Variants in SYNE3 observed in about 807,000 individuals in gnomAD.
SYNE3 encodes nesprin-3.
A neutral mutation model predicts 111.2 loss-of-function variants in SYNE3; 100 were observed. The observed-to-expected ratio is 0.90, with a 90% CI of 0.77 to 1.06. The LOEUF (loss-of-function observed/expected upper bound fraction) is 1.06. Ranked by LOEUF, SYNE3 falls within the 50% of genes least tolerant of loss-of-function variation. The pLI, the probability that SYNE3 is intolerant of heterozygous loss-of-function variation, is 0.00. For synonymous variants in SYNE3, 547 were observed against 533.9 expected, an observed-to-expected ratio of 1.02 and a Z score of -0.34; for missense variants, 1,160 against 1,240.3, an observed-to-expected ratio of 0.94 and a Z score of 0.97.
At chr14:95,491,350 C>T (rs1368076689) in intron 1 of SYNE3, among the ~76,000 whole-genome samples, 1 of 152,122 alleles carries the variant, frequency 6.6e-6, no homozygotes, top group East Asian at 1.9e-4. Flanking sequence ...ATGGCCAAGA[C>T]CTATCTTGTG....
intron 17 of SYNE3, among the ~76,000 whole-genome samples, chr14:95,431,792 G>A (rs1460552996): frequency 2.0e-5 from 3 of 152,194 alleles, no homozygotes; most frequent in South Asian, 2.1e-4. Context: ...ACTCCCCAGC[G>A]TGTCCTGATT....
intron 14 of SYNE3, chr14:95,438,060 C>A (rs56044811): frequency 0.079 from 12,059 of 152,138 alleles, 555 homozygotes; most frequent in South Asian, 0.13. Context: ...TGCATTTTAT[C>A]TTATTTCATT....
At chr14:95,427,593 C>G (rs1885510706) in intron 17 of SYNE3, among the ~76,000 whole-genome samples, 1 of 152,234 alleles carries the variant, frequency 6.6e-6, no homozygotes, top group African/African-American at 2.4e-5. Context: ...CTCTCCCTCT[C>G]TCTCTCTGCC....
At chr14:95,466,347 G>C in intron 3 of SYNE3, 107 bp from the exon 4 acceptor site, 1 of 1,344,778 alleles carries the variant, frequency 7.4e-7, no homozygotes, top group Non-Finnish European at 9.9e-7. Context: ...TGTGGTCTGG[G>C]GGCATGATGA....
chr14:95,437,149 A>G (rs1447484504), intron 14 of SYNE3, among the ~76,000 whole-genome samples, 168 bp from the exon 15 acceptor site: 1 of 152,200 alleles, frequency 6.6e-6, no homozygotes, highest in Non-Finnish European at 1.5e-5. Context: ...ACATGGTCAC[A>G]TTTAAGGGCC....
intron 1 of SYNE3, among the ~76,000 whole-genome samples, chr14:95,479,102 T>C (rs926408213): frequency 1.3e-5 from 2 of 151,896 alleles, no homozygotes; most frequent in African/African-American, 4.8e-5. Flanking sequence ...ATTTAATTAA[T>C]TTAAAAACCC....
chr14:95,477,942 C>T (rs191173724), intron 1 of SYNE3, among the ~76,000 whole-genome samples: 4 of 152,266 alleles, frequency 2.6e-5, no homozygotes, highest in South Asian at 2.1e-4. Flanking sequence ...GGGACAGAGA[C>T]GAGTCCTGCT....
chr14:95,457,065 A>G, intron 5 of SYNE3, 112 bp downstream of exon 5: 1 of 1,406,236 alleles, frequency 7.1e-7, no homozygotes, highest in Non-Finnish European at 9.5e-7. Flanking sequence ...AGCCTGAGCA[A>G]CAGAGCAAGA....
At chr14:95,477,684 G>A (rs1378786555) in intron 1 of SYNE3, among the ~76,000 whole-genome samples, 2 of 152,164 alleles carry the variant, frequency 1.3e-5, no homozygotes, top group Non-Finnish European at 2.9e-5. Flanking sequence ...GTAGCGGGCT[G>A]TGCTCTGGAA....
chr14:95,440,436 C>A lies in SYNE3; in HGVS notation c.1912-361G>T, dbSNP rs549280252. 4.5e-4 allele frequency among the ~76,000 whole-genome samples: 69 copies of A among 152,344 alleles called. 1 individual carries two copies. In the South Asian group the frequency reaches 0.013, roughly 29 times the overall value. ...AACGTGGCTGTAGCTGATGGCCCAG[C>A]CATTCCACTCCCGGTGTATGTCCCA... On this transcript the variant is annotated intron_variant, in intron 11 of 17. Transcript: ENST00000682763.
intron 1 of SYNE3, among the ~76,000 whole-genome samples, chr14:95,513,737 T>TATATATATATATA (rs1480614847): frequency 3.2e-5 from 3 of 92,506 alleles, no homozygotes; most frequent in African/African-American, 1.4e-4. Flanking sequence ...GCTGCTTAGA[T>TATATATATATATA]TATATATATA....
intron 11 of SYNE3, among the ~76,000 whole-genome samples, chr14:95,442,926 G>C (rs987363960): frequency 6.6e-6 from 1 of 152,214 alleles, no homozygotes; most frequent in Non-Finnish European, 1.5e-5. Context: ...GGCCTGGGCT[G>C]TCATGCTCTG....
Position 95,412,635 on chromosome 14 carries a change from C to G in SYNE3, c.*5191G>C, listed in dbSNP as rs1234895012. 1.3e-5 allele frequency: 2 copies of G among 152,240 alleles called. No individual in the cohort carries two copies. The highest frequency in any genetic ancestry group is 4.8e-5 in the African/African-American group (2 of 41,434). 9.4% of individuals were successfully genotyped at this position (152,240 alleles called of 1,614,324 possible). On this transcript the variant is annotated 3_prime_UTR_variant, in exon 18 of 18. Transcript: ENST00000682763. ...TTTTAGAGGCCACAGCTGGCAGGCTCCTGGCCTCCCCTGAACCCAGTTGCC... is the reference window on the plus strand; with the variant it reads ...TTTTAGAGGCCACAGCTGGCAGGCTGCTGGCCTCCCCTGAACCCAGTTGCC...
chr14:95,514,717 T>C (rs1890850843), intron 1 of SYNE3, among the ~76,000 whole-genome samples: 1 of 152,216 alleles, frequency 6.6e-6, no homozygotes, highest in Non-Finnish European at 1.5e-5. Context: ...AGGACTGGAC[T>C]CAGGCAATCC....
intron 1 of SYNE3, among the ~76,000 whole-genome samples, chr14:95,510,497 A>G (rs1841547875): frequency 6.6e-6 from 1 of 152,220 alleles, no homozygotes; most frequent in African/African-American, 2.4e-5. Flanking sequence ...AAGATGGCCA[A>G]GAATCAAAAT....
intron 7 of SYNE3, chr14:95,451,336 G>A (rs977945510): frequency 1.3e-5 from 2 of 152,212 alleles, no homozygotes; most frequent in South Asian, 2.1e-4. Context: ...GTAAGATACC[G>A]TCATTCTAGG....
rs975384658 is a variant in SYNE3 at position 95,450,006 on chromosome 14, C to T, written c.1374G>A (p.Leu458=). 2 of 1,555,980 alleles carry T rather than the reference C, an allele frequency of 1.3e-6. No individual in the cohort carries two copies. Among genetic ancestry groups the T allele is most frequent in the Non-Finnish European group, 1.7e-6 (2 of 1,149,642 alleles). The part of the protein sequence containing the change: ...PLQDLQLWKA[L]AQRLLEVTAS... ...CAGTGACCTCCAAGAGCCGCTGGGC[C>T]AGGGCCTTCCACAGCTGCAGATCCT... The change falls in exon 8 of 18, where the codon CTG becomes CTA. Residue 458 remains leucine (L), a synonymous_variant. Coordinates refer to ENST00000682763, the MANE Select transcript of SYNE3 (RefSeq NM_152592.6).
In SYNE3 at chr14:95,436,926, C is replaced by A; in HGVS notation, c.2432G>T (p.Arg811Met). The A allele has an allele frequency of 1.2e-6, 2 of 1,614,154 alleles. No homozygotes were observed. The highest frequency in any genetic ancestry group is 1.7e-6 in the Non-Finnish European group (2 of 1,180,034). Reference sequence around the variant, plus strand: ...CACCTGCAACCACTGCCCAAAGTTCCTCAGGAGCTGGGAGAAATCTTCATG... The same window carrying A: ...CACCTGCAACCACTGCCCAAAGTTCATCAGGAGCTGGGAGAAATCTTCATG... ...GSHEDFSQLL[R>M]NFGQWLQVEN... The change falls in exon 15 of 18, where the codon AGG becomes ATG. Residue 811 changes from arginine (R) to methionine (M), a missense_variant. Transcript: ENST00000682763.
At chr14:95,514,774 G>C (rs528772724) in intron 1 of SYNE3, among the ~76,000 whole-genome samples, 1 of 152,368 alleles carries the variant, frequency 6.6e-6, no homozygotes, top group South Asian at 2.1e-4. Context: ...GGGAAGCCTA[G>C]CTGCCCAGTG....
Sources: allele counts gnomAD v4.1 joint callset (sites outside exome capture counted in the v4.1 genomes callset), GRCh38; gene constraint gnomAD v4.1.1; transcripts MANE v1.5; gene names NCBI Gene and HGNC (gene_info 2026-07-23, HGNC 2026-07-21).